The following CRTAM variants were observed in gnomAD, a reference collection of about 807,000 sequenced individuals.
The protein encoded by CRTAM is cytotoxic and regulatory T-cell molecule.
Under a neutral mutation model 50.0 loss-of-function variants are expected in CRTAM, and 44 were observed. The observed-to-expected ratio is 0.88, with a 90% CI of 0.69 to 1.13. The LOEUF (loss-of-function observed/expected upper bound fraction) is 1.13, where lower values mean the gene tolerates loss of function less well. Among genes scored for constraint, CRTAM ranks in the 50% most tolerant of loss-of-function variants. The probability of loss-of-function intolerance (pLI) is 0.00; values close to 1 mark genes in which losing one functional copy is unlikely to be tolerated. For missense variants in CRTAM, 448 were observed against 457.5 expected (o/e 0.98, Z 0.19); for synonymous variants, 159 against 169.3 (o/e 0.94, Z 0.47).
intron 1 of CRTAM, among the ~76,000 whole-genome samples, chr11:122,848,436 A>G (rs1226987831): frequency 6.6e-6 from 1 of 152,214 alleles, no homozygotes; most frequent in Non-Finnish European, 1.5e-5. Context: ...TTTTTTTGGA[A>G]AGCACAGATC....
chr11:122,855,675 C>T lies in CRTAM; in HGVS notation c.491-20C>T. The T allele has an allele frequency of 6.2e-7, 1 of 1,611,928 alleles. No homozygotes were observed. The highest frequency in any genetic ancestry group is 8.5e-7 in the Non-Finnish European group (1 of 1,178,352). On this transcript the variant is annotated intron_variant, in intron 4 of 9. Transcript: ENST00000227348. ...TCCAGTAGCATTAAATAGCCATAAC[C>T]TCTTCAAATTGCTACATAGGTGGAA...
intron 3 of CRTAM, 53 bp downstream of exon 3, chr11:122,851,898 T>C: frequency 6.5e-7 from 1 of 1,546,902 alleles, no homozygotes; most frequent in Non-Finnish European, 8.9e-7. Flanking sequence ...AGGAACACGA[T>C]ATGTCGTTTT....
intron 2 of CRTAM, 104 bp from the exon 3 acceptor site, chr11:122,851,589 G>A: frequency 9.9e-7 from 1 of 1,005,488 alleles, no homozygotes; most frequent in Non-Finnish European, 1.5e-6. Context: ...TTTTGATTGT[G>A]CCAAATGTAG....
In CRTAM at chr11:122,864,219, T is replaced by C. The variant is rs546343304; in HGVS notation, c.734-417T>C. On this transcript the variant is annotated intron_variant, in intron 6 of 9. Coordinates refer to ENST00000227348, the MANE Select transcript of CRTAM (RefSeq NM_019604.4). ...CTAAAGACCTTCTCCCTAATAGGCC[T>C]GATTCAGGATGGAAATATGAAATAA... Among the ~76,000 whole-genome samples the C allele has an allele frequency of 7.9e-5, 12 of 152,306 alleles. No homozygotes were observed. In the South Asian group the frequency reaches 1.9e-3, roughly 24 times the overall value.
chr11:122,846,746 T>A (rs1245337595), intron 1 of CRTAM, among the ~76,000 whole-genome samples: 1 of 152,196 alleles, frequency 6.6e-6, no homozygotes, highest in Non-Finnish European at 1.5e-5. Flanking sequence ...AAAGAACTCA[T>A]TATCACCATT....
intron 1 of CRTAM, among the ~76,000 whole-genome samples, chr11:122,844,712 T>C (rs968275415): frequency 3.9e-5 from 6 of 152,224 alleles, no homozygotes; most frequent in Non-Finnish European, 8.8e-5. Context: ...TCAGTCTGTT[T>C]ATAGGCATCA....
At chr11:122,854,136 G>A (rs772555451) in intron 4 of CRTAM, 50 bp downstream of exon 4, 63 of 1,586,674 alleles carry the variant, frequency 4.0e-5, no homozygotes, top group Non-Finnish European at 5.3e-5. Context: ...CAAATTTCCA[G>A]GGGATTTTTA....
intron 4 of CRTAM, among the ~76,000 whole-genome samples, chr11:122,854,314 T>C (rs1861976690): frequency 6.6e-6 from 1 of 152,222 alleles, no homozygotes; most frequent in Non-Finnish European, 1.5e-5. Context: ...GGTAAAAATC[T>C]AAAGTGAACT....
intron 1 of CRTAM, among the ~76,000 whole-genome samples, chr11:122,843,130 T>C (rs1227125406): frequency 1.3e-5 from 2 of 152,244 alleles, no homozygotes; most frequent in South Asian, 2.1e-4. Flanking sequence ...GTTTTGTCTA[T>C]GTGTACTTTG....
At chr11:122,848,751 G>A (rs561074771) in intron 1 of CRTAM, among the ~76,000 whole-genome samples, 10 of 152,106 alleles carry the variant, frequency 6.6e-5, no homozygotes, top group East Asian at 3.8e-4. Context: ...AGATGATGCC[G>A]TAAAACTTGT....
In CRTAM at chr11:122,868,104, G is replaced by T. The variant is rs1223838065; in HGVS notation, c.1051+5G>T. ...CTGAAGAGAAAAATGGCCAATGTAA[G>T]TCAACTGTATGACCTGAGATCTGAA... On this transcript the variant is annotated splice_donor_5th_base_variant and intron_variant, in intron 9 of 9. Coordinates refer to ENST00000227348, the MANE Select transcript of CRTAM (RefSeq NM_019604.4). The T allele has an allele frequency of 6.4e-7, 1 of 1,570,496 alleles. No homozygotes were observed. Among genetic ancestry groups the T allele is most frequent in the East Asian group, 2.2e-5 (1 of 44,650 alleles).
chr11:122,867,957 C>A (rs1862200685), intron 8 of CRTAM, 56 bp from the exon 9 acceptor site: 7 of 1,042,838 alleles, frequency 6.7e-6, no homozygotes, highest in Non-Finnish European at 1.0e-5. Flanking sequence ...TTCAAATATA[C>A]ATTTCTACAT....
At chr11:122,862,347 T>C (rs1862096313) in intron 5 of CRTAM, 117 bp from the exon 6 acceptor site, 1 of 710,052 alleles carries the variant, frequency 1.4e-6, no homozygotes. Flanking sequence ...CTGGGGTTTC[T>C]GCACAACCTC....
In CRTAM at chr11:122,867,441, A is replaced by G. The variant is rs777530497; in HGVS notation, c.850A>G (p.Lys284Glu). 1 of 1,614,032 alleles carries G rather than the reference A, an allele frequency of 6.2e-7. No homozygotes were observed. Among genetic ancestry groups the G allele is most frequent in the Non-Finnish European group, 8.5e-7 (1 of 1,180,014 alleles). ...ANPQYLGLAR[K>E]KSGILLLTLV... ...TCCTCAGTATTTAGGACTGGCAAGAAAGAAAAGTGGCATCCTGCTGCTCAC... is the reference window on the plus strand; with the variant it reads ...TCCTCAGTATTTAGGACTGGCAAGAGAGAAAAGTGGCATCCTGCTGCTCAC... Residue 284 changes from lysine (K) to glutamate (E), a missense_variant, in exon 8 of 10, where the codon AAG (lysine) becomes GAG (glutamate). Coordinates refer to ENST00000227348, the MANE Select transcript of CRTAM (RefSeq NM_019604.4).
At chr11:122,868,200 G>GTGTA (rs1862206459) in intron 9 of CRTAM, 101 bp downstream of exon 9, 4 of 513,954 alleles carry the variant, frequency 7.8e-6, no homozygotes, top group Non-Finnish European at 1.4e-5. Context: ...GTGTGTGTGT[G>GTGTA]TGTGTGTGTG....
rs767901636 is a variant in CRTAM at position 122,864,683 on chromosome 11, A to G, written c.781A>G (p.Lys261Glu). 1 of 1,613,922 alleles carries G rather than the reference A, an allele frequency of 6.2e-7. No homozygotes were observed. The highest frequency in any genetic ancestry group is 1.1e-5 in the South Asian group (1 of 91,072). ...SSTSEIDKEE[K>E]EQTTQDPDLT... ...TACATCGGAGATTGACAAGGAAGAGAAAGAACAAACCACTCAAGATCCTGA... is the reference window on the plus strand; with the variant it reads ...TACATCGGAGATTGACAAGGAAGAGGAAGAACAAACCACTCAAGATCCTGA... The change falls in exon 7 of 10, where the codon AAA becomes GAA. Residue 261 changes from lysine to glutamate, a missense_variant. Coordinates refer to ENST00000227348, the MANE Select transcript of CRTAM (RefSeq NM_019604.4).
At chr11:122,860,409 T>C (rs1421083692) in intron 5 of CRTAM, among the ~76,000 whole-genome samples, 1 of 152,166 alleles carries the variant, frequency 6.6e-6, no homozygotes, top group Non-Finnish European at 1.5e-5. Context: ...TTGGAGCTAG[T>C]GCATACCATA....
chr11:122,842,115 C>T (rs1194086668), intron 1 of CRTAM, among the ~76,000 whole-genome samples: 1 of 152,124 alleles, frequency 6.6e-6, no homozygotes, highest in African/African-American at 2.4e-5. Context: ...TGGACATGTA[C>T]AAGGACTATC....
At chr11:122,851,873 G>A in intron 3 of CRTAM, 28 bp downstream of exon 3, 1 of 1,608,264 alleles carries the variant, frequency 6.2e-7, no homozygotes, top group South Asian at 1.1e-5. Context: ...AACCCAGTAG[G>A]GGAGCAATAT....
Sources: gnomAD v4.1 joint callset for allele counts (sites outside exome capture counted in the v4.1 genomes callset) on GRCh38, gnomAD v4.1.1 for gene constraint, MANE v1.5 for transcripts, NCBI Gene and HGNC (gene_info 2026-07-23, HGNC 2026-07-21) for gene names.